Variants in JAKMIP2 observed in about 807,000 individuals in gnomAD.
The protein encoded by JAKMIP2 is janus kinase and microtubule-interacting protein 2.
A neutral mutation model predicts 115.0 loss-of-function variants in JAKMIP2; 25 were observed. That is an observed-to-expected ratio of 0.22 (90% CI 0.16 to 0.30). JAKMIP2 has a LOEUF of 0.30. Ranked by LOEUF, JAKMIP2 falls within the 10% of genes least tolerant of loss-of-function variation. The pLI is 1.00. For synonymous variants in JAKMIP2, 334 were observed against 343.6 expected, an observed-to-expected ratio of 0.97 and a Z score of 0.31; for missense variants, 642 against 957.6, an observed-to-expected ratio of 0.67 and a Z score of 4.35.
At chr5:147,746,940 T>C (rs1754366398) in intron 1 of JAKMIP2, among the ~76,000 whole-genome samples, 1 of 152,156 alleles carries the variant, frequency 6.6e-6, no homozygotes, top group Non-Finnish European at 1.5e-5. Context: ...CCAGTGCCCA[T>C]AAGTTAGTGC....
intron 1 of JAKMIP2, among the ~76,000 whole-genome samples, chr5:147,698,334 C>T (rs1159462184): frequency 6.6e-6 from 1 of 152,148 alleles, no homozygotes; most frequent in Non-Finnish European, 1.5e-5. Flanking sequence ...AGAGACTTGC[C>T]TTGTCTCAGA....
At chr5:147,718,729 C>A (rs561824770) in intron 1 of JAKMIP2, among the ~76,000 whole-genome samples, 1 of 152,170 alleles carries the variant, frequency 6.6e-6, no homozygotes, top group Non-Finnish European at 1.5e-5. Flanking sequence ...CTATTAGATT[C>A]TTCTCTCTTT....
intron 14 of JAKMIP2, 25 bp from the exon 15 acceptor site, chr5:147,629,771 G>A: frequency 6.2e-7 from 1 of 1,603,146 alleles, no homozygotes; most frequent in Non-Finnish European, 8.5e-7. Flanking sequence ...AGAAACTCAT[G>A]TCAAAGACAA....
intron 1 of JAKMIP2, 23 bp downstream of exon 1, chr5:147,782,433 G>A: frequency 6.5e-7 from 1 of 1,535,650 alleles, no homozygotes; most frequent in Non-Finnish European, 8.7e-7. Flanking sequence ...ACCAAGAAGG[G>A]AGCCCTACTG....
chr5:147,642,462 T>G (rs1179940185), intron 7 of JAKMIP2, among the ~76,000 whole-genome samples: 1 of 152,196 alleles, frequency 6.6e-6, no homozygotes. Flanking sequence ...CTAGATAGAA[T>G]GTCTTTTGAA....
rs1759623606 is a variant in JAKMIP2 at position 147,671,966 on chromosome 5, CAG to C, written c.-148-14_-148-13del. ...CTGCCCTGGAAGCCCTGAGAAGAGG[CAG>C]AGATAGTAGTTATTGTTTTGGCAAA... On this transcript the variant is annotated splice_polypyrimidine_tract_variant and intron_variant, in intron 1 of 21. Transcript: ENST00000616793. 1 of 1,278,586 alleles carries C rather than the reference CAG, an allele frequency of 7.8e-7. No homozygotes were observed. Among genetic ancestry groups the C allele is most frequent in the African/African-American group, 1.5e-5 (1 of 65,382 alleles). The allele number at this position is 1,278,586 out of a possible 1,614,324, so 79.2% of individuals were successfully genotyped here. A position where few individuals can be genotyped will look rare whatever the true frequency, so the allele number is the denominator to read the frequency against.
intron 1 of JAKMIP2, among the ~76,000 whole-genome samples, chr5:147,698,977 T>C (rs762261916): frequency 4.3e-4 from 65 of 152,358 alleles, no homozygotes; most frequent in Admixed American, 1.7e-3. Context: ...ACCTCATTTA[T>C]CACAATCTAC....
At chr5:147,716,814 T>C (rs1191340928) in intron 1 of JAKMIP2, among the ~76,000 whole-genome samples, 55 of 146,974 alleles carry the variant, frequency 3.7e-4, no homozygotes, top group African/African-American at 1.3e-3. Flanking sequence ...ACTCTGATGG[T>C]AGTTTCTTTT....
chr5:147,770,080 ATTTTC>A (rs1755293852), intron 1 of JAKMIP2, among the ~76,000 whole-genome samples: 1 of 151,718 alleles, frequency 6.6e-6, no homozygotes, highest in African/African-American at 2.4e-5. Flanking sequence ...TGTTTGTGTA[ATTTTC>A]TTTTCACAGA....
rs1431354810 is a variant in JAKMIP2 at position 147,720,346 on chromosome 5, G to A, written c.-148-48392C>T. On this transcript the variant is annotated intron_variant, in intron 1 of 21. Transcript: ENST00000616793. ...TGTGTCTTGGAGTTGCTCTTCTCGA[G>A]GAGTATCTTTGTGGCGTTCTCTGTA... 5.3e-5 allele frequency among the ~76,000 whole-genome samples: 8 copies of A among 150,400 alleles called. No individual in the cohort carries two copies. In the East Asian group the frequency reaches 1.6e-3, roughly 29 times the overall value.
At chr5:147,761,086 A>G (rs1754914464) in intron 1 of JAKMIP2, among the ~76,000 whole-genome samples, 1 of 152,130 alleles carries the variant, frequency 6.6e-6, no homozygotes, top group Non-Finnish European at 1.5e-5. Flanking sequence ...AATATCTCTT[A>G]GTGTCTGCTT....
intron 1 of JAKMIP2, among the ~76,000 whole-genome samples, chr5:147,677,493 G>A (rs2126822704): frequency 6.6e-6 from 1 of 152,292 alleles, no homozygotes; most frequent in East Asian, 1.9e-4. Context: ...GACATCAGCA[G>A]AGGCAAATGC....
At chr5:147,671,401 G>T (rs1277670632) in intron 2 of JAKMIP2, among the ~76,000 whole-genome samples, 1 of 152,202 alleles carries the variant, frequency 6.6e-6, no homozygotes, top group Non-Finnish European at 1.5e-5. Flanking sequence ...GGTGGTAAGG[G>T]ACACTGTCTG....
chr5:147,704,299 A>T (rs1386699811), intron 1 of JAKMIP2, among the ~76,000 whole-genome samples: 2 of 152,214 alleles, frequency 1.3e-5, no homozygotes, highest in Non-Finnish European at 2.9e-5. Context: ...TGTTTACAGC[A>T]GTAATACCAC....
At chr5:147,690,772 T>C (rs1751806324) in intron 1 of JAKMIP2, among the ~76,000 whole-genome samples, 1 of 151,964 alleles carries the variant, frequency 6.6e-6, no homozygotes, top group Non-Finnish European at 1.5e-5. Context: ...CCTTCTCCAG[T>C]GCTTCGTGGC....
chr5:147,630,571 T>C (rs1561502213), intron 14 of JAKMIP2, among the ~76,000 whole-genome samples: 1 of 152,204 alleles, frequency 6.6e-6, no homozygotes, highest in Non-Finnish European at 1.5e-5. Context: ...ATTAGTACTA[T>C]GTTCTCCTCT....
intron 1 of JAKMIP2, among the ~76,000 whole-genome samples, chr5:147,778,333 C>G (rs978520385): frequency 6.6e-6 from 1 of 151,736 alleles, no homozygotes; most frequent in East Asian, 1.9e-4. Context: ...TTGCCTGATA[C>G]CCTAAGCACA....
chr5:147,638,943 A>T (rs1050833639), intron 10 of JAKMIP2, among the ~76,000 whole-genome samples: 1 of 152,232 alleles, frequency 6.6e-6, no homozygotes, highest in Non-Finnish European at 1.5e-5. Context: ...TAAAATGTTC[A>T]ACACAATGCC....
At chr5:147,628,635 G>A (rs1433729035) in intron 16 of JAKMIP2, 116 bp downstream of exon 16, 2 of 675,676 alleles carry the variant, frequency 3.0e-6, no homozygotes, top group East Asian at 2.6e-5. Flanking sequence ...AATAAAATGT[G>A]TATTAGGTAT....
Sources: allele counts gnomAD v4.1 joint callset (sites outside exome capture counted in the v4.1 genomes callset), GRCh38; gene constraint gnomAD v4.1.1; transcripts MANE v1.5; gene names NCBI Gene and HGNC (gene_info 2026-07-23, HGNC 2026-07-21).